The following KCNU1 variants were observed in gnomAD, a reference collection of about 807,000 sequenced individuals.
KCNU1 encodes potassium channel subfamily U member 1.
Under a neutral mutation model 126.8 loss-of-function variants are expected in KCNU1, and 93 were observed. That is an observed-to-expected ratio of 0.73 (90% CI 0.62 to 0.87). The LOEUF is 0.87. Among genes scored for constraint, KCNU1 ranks in the 40% least tolerant of loss-of-function variants. The pLI is 0.00. For synonymous variants in KCNU1, 523 were observed against 494.2 expected, an observed-to-expected ratio of 1.06 and a Z score of -0.77; for missense variants, 1,330 against 1,367.1, an observed-to-expected ratio of 0.97 and a Z score of 0.43.
chr8:36,787,505 C>T (rs557977937), intron 2 of KCNU1, 80 bp downstream of exon 2: 1 of 1,385,960 alleles, frequency 7.2e-7, no homozygotes, highest in Non-Finnish European at 9.7e-7. Context: ...CAATTGATTC[C>T]CTAGGTAAAC....
At chr8:36,915,477 C>T (rs913745514) in intron 22 of KCNU1, among the ~76,000 whole-genome samples, 1 of 152,230 alleles carries the variant, frequency 6.6e-6, no homozygotes, top group Non-Finnish European at 1.5e-5. Context: ...TAATTCTTAT[C>T]TCTTTACAGT....
At chr8:36,814,114 T>C (rs1020611292) in intron 7 of KCNU1, 93 bp from the exon 8 acceptor site, 205 of 881,160 alleles carry the variant, frequency 2.3e-4, no homozygotes, top group Middle Eastern at 1.8e-3. Context: ...TTGGATTGAA[T>C]GAAGTGCAAT....
intron 18 of KCNU1, among the ~76,000 whole-genome samples, chr8:36,863,450 TTCTGC>T (rs1355095896): frequency 6.6e-6 from 1 of 152,180 alleles, no homozygotes; most frequent in Non-Finnish European, 1.5e-5. Context: ...CCTTAGGAAC[TTCTGC>T]TCAGACAATC....
intron 19 of KCNU1, among the ~76,000 whole-genome samples, chr8:36,901,506 C>G (rs1443348000): frequency 1.3e-5 from 2 of 152,070 alleles, no homozygotes; most frequent in Non-Finnish European, 2.9e-5. Flanking sequence ...ACGTTCTGCT[C>G]ATGAGACACA....
chr8:36,914,253 G>T (rs1808007576), intron 22 of KCNU1, among the ~76,000 whole-genome samples: 1 of 152,188 alleles, frequency 6.6e-6, no homozygotes, highest in African/African-American at 2.4e-5. Context: ...TTCACTAGGG[G>T]ATAGAGTGGT....
At chr8:36,912,699 C>G (rs954127682) in intron 22 of KCNU1, among the ~76,000 whole-genome samples, 1 of 151,936 alleles carries the variant, frequency 6.6e-6, no homozygotes, top group South Asian at 2.1e-4. Context: ...AGGCAGGGCG[C>G]GGTGGCTCAC....
chr8:36,919,446 A>AAAAAC (rs1463886624), intron 23 of KCNU1, among the ~76,000 whole-genome samples: 1 of 147,786 alleles, frequency 6.8e-6, no homozygotes, highest in Non-Finnish European at 1.5e-5. Flanking sequence ...AAAAAAAAAA[A>AAAAAC]CTCTCGAAGA....
At chr8:36,908,084 C>A (rs1807703917) in intron 20 of KCNU1, among the ~76,000 whole-genome samples, 1 of 152,124 alleles carries the variant, frequency 6.6e-6, no homozygotes, top group African/African-American at 2.4e-5. Flanking sequence ...AAAATCATGT[C>A]TTCTGACTCC....
intron 1 of KCNU1, among the ~76,000 whole-genome samples, chr8:36,785,750 G>A (rs1351556685): frequency 1.3e-5 from 2 of 152,156 alleles, no homozygotes; most frequent in Non-Finnish European, 2.9e-5. Flanking sequence ...TGAATTTGTA[G>A]GATTTTTAAA....
intron 10 of KCNU1, among the ~76,000 whole-genome samples, chr8:36,823,710 A>C (rs969124068): frequency 6.6e-6 from 1 of 152,218 alleles, no homozygotes; most frequent in Non-Finnish European, 1.5e-5. Flanking sequence ...ATAATACAAT[A>C]GGAACAAAAG....
intron 2 of KCNU1, among the ~76,000 whole-genome samples, chr8:36,796,278 T>TACTTC (rs1431543806): frequency 6.6e-6 from 1 of 152,216 alleles, no homozygotes; most frequent in East Asian, 1.9e-4. Flanking sequence ...TTATGATTTC[T>TACTTC]ACTTCACGGA....
chr8:36,842,728 T>C (rs528885780), intron 16 of KCNU1, among the ~76,000 whole-genome samples: 2 of 152,326 alleles, frequency 1.3e-5, no homozygotes, highest in African/African-American at 4.8e-5. Context: ...TGGAGTGCAA[T>C]GGCACAATTT....
intron 2 of KCNU1, among the ~76,000 whole-genome samples, chr8:36,803,208 C>T (rs750620623): frequency 6.6e-6 from 1 of 152,116 alleles, no homozygotes; most frequent in African/African-American, 2.4e-5. Context: ...TCACAATATA[C>T]GTAGCCCACT....
chr8:36,827,925 G>GT (rs1179885379), intron 10 of KCNU1, among the ~76,000 whole-genome samples: 1 of 152,090 alleles, frequency 6.6e-6, no homozygotes. Flanking sequence ...AGTTCTGATT[G>GT]TTGGAGTACT....
chr8:36,785,836 A>G (rs777142133), intron 1 of KCNU1, among the ~76,000 whole-genome samples: 5 of 152,218 alleles, frequency 3.3e-5, no homozygotes, highest in Non-Finnish European at 7.3e-5. Context: ...AAAATGTGAC[A>G]GTACATTTGT....
At chr8:36,916,664 C>T (rs994756726) in intron 22 of KCNU1, among the ~76,000 whole-genome samples, 1 of 152,176 alleles carries the variant, frequency 6.6e-6, no homozygotes, top group Non-Finnish European at 1.5e-5. Flanking sequence ...ATTATGATCT[C>T]TAGCCATCTG....
chr8:36,868,420 T>G (rs770279539), intron 19 of KCNU1, among the ~76,000 whole-genome samples: 2 of 151,638 alleles, frequency 1.3e-5, no homozygotes, highest in Non-Finnish European at 2.9e-5. Flanking sequence ...TTGTGATCCA[T>G]TTTTTTTATG....
At chr8:36,866,589 T>C (rs1233849343) in intron 19 of KCNU1, among the ~76,000 whole-genome samples, 1 of 152,164 alleles carries the variant, frequency 6.6e-6, no homozygotes. Context: ...CAGTCACAGA[T>C]GAGCACTGGA....
chr8:36,873,753 A>T (rs1806186512), intron 19 of KCNU1, among the ~76,000 whole-genome samples: 1 of 152,212 alleles, frequency 6.6e-6, no homozygotes, highest in African/African-American at 2.4e-5. Context: ...CGATCAGGAC[A>T]ATAAAATATT....
Sources: allele counts gnomAD v4.1 joint callset (sites outside exome capture counted in the v4.1 genomes callset), GRCh38; gene constraint gnomAD v4.1.1; transcripts MANE v1.5; gene names NCBI Gene and HGNC (gene_info 2026-07-23, HGNC 2026-07-21).